The following NLK variants were observed in gnomAD, a reference collection of about 807,000 sequenced individuals.
NLK encodes nemo like kinase, also known as serine/threonine-protein kinase NLK.
NLK carries 11 observed loss-of-function variants against 59.0 expected under a neutral mutation model. The observed-to-expected ratio is 0.19, with a 90% CI of 0.12 to 0.31. The LOEUF (loss-of-function observed/expected upper bound fraction) is 0.31. Ranked by LOEUF, NLK falls within the 10% of genes least tolerant of loss-of-function variation. NLK has a pLI of 1.00. For missense variants in NLK, 410 were observed against 661.1 expected, an observed-to-expected ratio of 0.62 and a Z score of 4.16; for synonymous variants, 235 against 235.9, an observed-to-expected ratio of 1.00 and a Z score of 0.03.
In NLK at chr17:28,194,578, C is replaced by G. The variant is rs745934337; in HGVS notation, c.1530-4C>G. 1.8e-5 allele frequency: 29 copies of G among 1,592,504 alleles called. No homozygotes were observed. The highest frequency in any genetic ancestry group is 2.5e-5 in the Non-Finnish European group (29 of 1,163,674). On this transcript the variant is annotated splice_polypyrimidine_tract_variant and splice_region_variant and intron_variant, in intron 10 of 10. Transcript: ENST00000407008. ...CTAATTTCTCCATCTCTGTTTTCTT[C>G]CAGTTCCACTGTTGCTCAGCCATCT...
At chr17:28,147,909 T>C (rs1907325150) in intron 3 of NLK, among the ~76,000 whole-genome samples, 1 of 152,210 alleles carries the variant, frequency 6.6e-6, no homozygotes, top group Non-Finnish European at 1.5e-5. Flanking sequence ...AGGTTGAATT[T>C]AAAACCCATT....
At chr17:28,167,538 T>A (rs1407751527) in intron 5 of NLK, among the ~76,000 whole-genome samples, 1 of 151,784 alleles carries the variant, frequency 6.6e-6, no homozygotes, top group Non-Finnish European at 1.5e-5. Context: ...CAACAGTTGG[T>A]CTCTAAATCA....
chr17:28,089,229 T>C (rs1312413216), intron 1 of NLK, among the ~76,000 whole-genome samples: 1 of 152,198 alleles, frequency 6.6e-6, no homozygotes, highest in Non-Finnish European at 1.5e-5. Context: ...TAATATTTTC[T>C]TTCCCCACCT....
chr17:28,178,598 G>A (rs1908776641), intron 7 of NLK, among the ~76,000 whole-genome samples: 1 of 152,134 alleles, frequency 6.6e-6, no homozygotes. Flanking sequence ...TAGGTCTTCA[G>A]TTTTCCTCAG....
chr17:28,170,459 T>G (rs1908416492), intron 6 of NLK, among the ~76,000 whole-genome samples: 1 of 151,720 alleles, frequency 6.6e-6, no homozygotes, highest in Admixed American at 6.5e-5. Context: ...TTTATCAACA[T>G]TTAAATTTTT....
At chr17:28,095,120 C>T (rs1904655168) in intron 1 of NLK, among the ~76,000 whole-genome samples, 1 of 152,116 alleles carries the variant, frequency 6.6e-6, no homozygotes, top group African/African-American at 2.4e-5. Flanking sequence ...AAGTGGAAGT[C>T]ATTACTGTGA....
intron 1 of NLK, among the ~76,000 whole-genome samples, chr17:28,097,087 T>C (rs1567713028): frequency 1.3e-5 from 2 of 152,340 alleles, no homozygotes; most frequent in Non-Finnish European, 2.9e-5. Context: ...AATGAAACTT[T>C]GCTTGAGCCA....
intron 10 of NLK, among the ~76,000 whole-genome samples, chr17:28,193,714 T>C (rs1909391813): frequency 6.6e-6 from 1 of 152,232 alleles, no homozygotes; most frequent in Non-Finnish European, 1.5e-5. Flanking sequence ...ATATTAAAGT[T>C]GGTTGGATTT....
At chr17:28,145,988 G>A (rs1482610886) in intron 3 of NLK, among the ~76,000 whole-genome samples, 1 of 152,198 alleles carries the variant, frequency 6.6e-6, no homozygotes, top group Non-Finnish European at 1.5e-5. Flanking sequence ...TTACAGGCAT[G>A]AGCCACCGCA....
Position 28,139,897 on chromosome 17 carries a change from C to T in NLK, c.644+7222C>T, listed in dbSNP as rs371914653. 1.5e-3 allele frequency among the ~76,000 whole-genome samples: 235 copies of T among 152,176 alleles called. 1 individual carries two copies. The highest frequency in any genetic ancestry group is 2.0e-3 in the Non-Finnish European group (137 of 68,010). ...GCAGAGATGAGCTGTAAAGGGATAA[C>T]TAACATGTGGTAGAATGTGCCAAAA... On this transcript the variant is annotated intron_variant, in intron 3 of 10. Transcript: ENST00000407008.
chr17:28,050,017 T>C (rs1170904007), intron 1 of NLK, among the ~76,000 whole-genome samples: 3 of 152,202 alleles, frequency 2.0e-5, no homozygotes, highest in Non-Finnish European at 4.4e-5. Context: ...GTTCTTACAA[T>C]ATTCAATTAT....
At chr17:28,044,964 A>G (rs1350358326) in intron 1 of NLK, among the ~76,000 whole-genome samples, 1 of 152,212 alleles carries the variant, frequency 6.6e-6, no homozygotes, top group Non-Finnish European at 1.5e-5. Context: ...CATTTCTATC[A>G]AAAAGTGATG....
chr17:28,056,019 G>C (rs151277972), intron 1 of NLK, among the ~76,000 whole-genome samples: 3 of 152,078 alleles, frequency 2.0e-5, no homozygotes, highest in Admixed American at 2.0e-4. Context: ...CTTGAAAAAC[G>C]CAGAAGAGCT....
intron 1 of NLK, among the ~76,000 whole-genome samples, chr17:28,045,370 T>C (rs868038696): frequency 6.6e-6 from 1 of 152,236 alleles, no homozygotes; most frequent in African/African-American, 2.4e-5. Context: ...TTCTTTGTTT[T>C]GGCTTAAACA....
intron 3 of NLK, among the ~76,000 whole-genome samples, chr17:28,138,205 T>G (rs1168975792): frequency 6.6e-6 from 1 of 152,218 alleles, no homozygotes; most frequent in African/African-American, 2.4e-5. Flanking sequence ...GGGTTGGAAA[T>G]AAAAATTTGG....
At chr17:28,099,674 G>C (rs1261192527) in intron 1 of NLK, among the ~76,000 whole-genome samples, 1 of 149,282 alleles carries the variant, frequency 6.7e-6, no homozygotes, top group Non-Finnish European at 1.5e-5. Flanking sequence ...CGCTTCCCGG[G>C]TTCACGCCAT....
chr17:28,199,695 C>CAAAAAAAAA (rs61425914), downstream of NLK, among the ~76,000 whole-genome samples: 12 of 94,816 alleles, frequency 1.3e-4, no homozygotes, highest in Admixed American at 2.7e-4. Context: ...CAAAACAAAA[C>CAAAAAAAAA]AAAAAAAAAA....
chr17:28,196,203 A>G lies in NLK; in HGVS notation c.*1567A>G, dbSNP rs1330017253. 2.0e-5 allele frequency: 3 copies of G among 152,534 alleles called. No homozygotes were observed. The highest frequency in any genetic ancestry group is 4.4e-5 in the Non-Finnish European group (3 of 68,030). 9.4% of individuals were successfully genotyped at this position (152,534 alleles called of 1,614,324 possible). ...AGGCTCCTGAGAATCAACCCAACTG[A>G]AGCATTTCAATTCACTTGAATGAGA... On this transcript the variant is annotated 3_prime_UTR_variant, in exon 11 of 11. Coordinates refer to ENST00000407008, the MANE Select transcript of NLK (RefSeq NM_016231.5).
intron 8 of NLK, among the ~76,000 whole-genome samples, chr17:28,188,044 A>T (rs777197164): frequency 6.6e-6 from 1 of 152,072 alleles, no homozygotes; most frequent in East Asian, 1.9e-4. Flanking sequence ...AAAATTAAAA[A>T]TTTTTTAAAT....
Sources: allele counts gnomAD v4.1 joint callset (sites outside exome capture counted in the v4.1 genomes callset), GRCh38; gene constraint gnomAD v4.1.1; transcripts MANE v1.5; gene names NCBI Gene and HGNC (gene_info 2026-07-23, HGNC 2026-07-21).